Variants in PSD3 observed in about 807,000 individuals in gnomAD.
PSD3 encodes PH and SEC7 domain-containing protein 3.
Under a neutral mutation model 105.5 loss-of-function variants are expected in PSD3, and 49 were observed. The observed-to-expected ratio is 0.46, with a 90% CI of 0.37 to 0.59. The LOEUF (loss-of-function observed/expected upper bound fraction) is 0.59. PSD3 is among the 20% of genes least tolerant of loss of function. The pLI, the probability that PSD3 is intolerant of heterozygous loss-of-function variation, is 0.00. For synonymous variants in PSD3, 557 were observed against 457.8 expected (o/e 1.22, Z -2.77); for missense variants, 1,561 against 1,263.8 (o/e 1.24, Z -3.57).
chr8:19,014,301 A>C (rs1186978258), upstream of PSD3: 1 of 151,928 alleles, frequency 6.6e-6, no homozygotes, highest in Non-Finnish European at 1.5e-5. The surrounding 1 kb of genome is among the most constrained non-coding windows in gnomAD (Gnocchi z 4.9). Context: ...AGTCCCGGGG[A>C]CCCGTCGAGC....
At chr8:18,820,674 C>A (rs180870713) in intron 4 of PSD3, among the ~76,000 whole-genome samples, 31 of 152,214 alleles carry the variant, frequency 2.0e-4, no homozygotes, top group African/African-American at 7.2e-4. Flanking sequence ...TATTTTCCAT[C>A]TCCAGTTGGT....
chr8:18,567,652 C>G (rs1242205409), intron 14 of PSD3, among the ~76,000 whole-genome samples: 1 of 152,100 alleles, frequency 6.6e-6, no homozygotes, highest in East Asian at 1.9e-4. Context: ...ACAGATTCTT[C>G]CTTCTTACTA....
chr8:18,643,510 G>A (rs117463784), intron 10 of PSD3, among the ~76,000 whole-genome samples: 3 of 152,218 alleles, frequency 2.0e-5, no homozygotes, highest in Non-Finnish European at 4.4e-5. Flanking sequence ...CACCAGCTGT[G>A]GGCCTGTGAA....
intron 3 of PSD3, among the ~76,000 whole-genome samples, chr8:18,871,031 C>G (rs577995257): frequency 1.2e-4 from 19 of 152,146 alleles, no homozygotes; most frequent in Non-Finnish European, 2.1e-4. Flanking sequence ...CCTGGAAGGT[C>G]AAGGCCGCAG....
At chr8:18,973,959 T>C (rs1034775202) in intron 1 of PSD3, among the ~76,000 whole-genome samples, 2 of 152,224 alleles carry the variant, frequency 1.3e-5, no homozygotes, top group African/African-American at 2.4e-5. Flanking sequence ...CAGTGTCACA[T>C]TGCTGTTAAG....
chr8:18,954,424 T>C (rs1439788983), intron 1 of PSD3, among the ~76,000 whole-genome samples: 1 of 152,130 alleles, frequency 6.6e-6, no homozygotes, highest in African/African-American at 2.4e-5. Flanking sequence ...TCAGTTGAGG[T>C]ACTCATTCAT....
rs538184657 is a variant in PSD3 at position 18,792,705 on chromosome 8, G to A, written c.2082+6590C>T. On this transcript the variant is annotated intron_variant, in intron 8 of 15. Transcript: ENST00000327040. ...GTGCTGGAGAGGATGTGGAGAAATA[G>A]GACCACTTTTACACTGTTGGTGGGA... Among the ~76,000 whole-genome samples the A allele has an allele frequency of 3.9e-5, 6 of 152,252 alleles. No homozygotes were observed. The East Asian group carries it at 1.2e-3, about 29-fold the overall frequency.
intron 9 of PSD3, among the ~76,000 whole-genome samples, chr8:18,712,773 T>A (rs1374463489): frequency 6.6e-6 from 1 of 152,112 alleles, no homozygotes. Context: ...ACTCCTCCCT[T>A]ACTCGCGTTA....
chr8:18,534,953 T>G lies in PSD3; in HGVS notation c.*790A>C, dbSNP rs1410898722. On this transcript the variant is annotated 3_prime_UTR_variant, in exon 16 of 16. Transcript: ENST00000327040. ...TCCTGCAGACTGAGCACATGCCTAC[T>G]GCTGCAGCTCCTCAAGGGCCGATTA... 1 of 152,638 alleles carries G rather than the reference T, an allele frequency of 6.6e-6. No individual in the cohort carries two copies. Among genetic ancestry groups the G allele is most frequent in the Non-Finnish European group, 1.5e-5 (1 of 68,048 alleles). 9.5% of individuals were successfully genotyped at this position (152,638 alleles called of 1,614,324 possible).
intron 2 of PSD3, among the ~76,000 whole-genome samples, chr8:18,874,397 C>T (rs13251543): frequency 0.014 from 2,166 of 152,036 alleles, 19 homozygotes; most frequent in Non-Finnish European, 0.022. Flanking sequence ...GATGTCTTGA[C>T]CTCGTGATCC....
chr8:18,616,391 A>G (rs1158127398), intron 11 of PSD3, among the ~76,000 whole-genome samples: 1 of 152,068 alleles, frequency 6.6e-6, no homozygotes, highest in African/African-American at 2.4e-5. Flanking sequence ...TGTGGGGGAG[A>G]TTTGCATCTG....
intron 14 of PSD3, among the ~76,000 whole-genome samples, chr8:18,568,328 T>C (rs1801922115): frequency 6.6e-6 from 1 of 152,220 alleles, no homozygotes; most frequent in South Asian, 2.1e-4. Context: ...TTGTATTAAA[T>C]CTAAGTAACT....
At chr8:18,989,613 T>C (rs1825687018) in intron 1 of PSD3, among the ~76,000 whole-genome samples, 1 of 152,246 alleles carries the variant, frequency 6.6e-6, no homozygotes, top group Non-Finnish European at 1.5e-5. Flanking sequence ...AGTTCTGAGG[T>C]CTGATTACAT....
chr8:18,724,837 G>T (rs1309472461), intron 9 of PSD3, among the ~76,000 whole-genome samples: 1 of 152,032 alleles, frequency 6.6e-6, no homozygotes, highest in Non-Finnish European at 1.5e-5. Flanking sequence ...CTAACTAACA[G>T]TCTGCGTCCC....
intron 10 of PSD3, among the ~76,000 whole-genome samples, chr8:18,654,673 G>C (rs1473338225): frequency 6.6e-6 from 1 of 152,162 alleles, no homozygotes; most frequent in Admixed American, 6.5e-5. Context: ...CTGTCAAAGA[G>C]AGTCAGGAAA....
chr8:18,615,686 G>A (rs970513709), intron 11 of PSD3, among the ~76,000 whole-genome samples: 1 of 152,076 alleles, frequency 6.6e-6, no homozygotes. Context: ...CCTTTTAAGA[G>A]CAGGGTGTTA....
chr8:18,762,718 A>G (rs1806643501), intron 9 of PSD3, among the ~76,000 whole-genome samples: 1 of 152,234 alleles, frequency 6.6e-6, no homozygotes, highest in Admixed American at 6.5e-5. Context: ...TGTATCATCT[A>G]TCCCTTCAAT....
chr8:18,718,360 G>C (rs897022083), intron 9 of PSD3, among the ~76,000 whole-genome samples: 11 of 152,202 alleles, frequency 7.2e-5, no homozygotes, highest in African/African-American at 2.4e-4. Context: ...TATAAAAGAA[G>C]ATTTGTAGCT....
intron 14 of PSD3, among the ~76,000 whole-genome samples, chr8:18,568,586 G>C (rs1161978947): frequency 1.3e-5 from 2 of 152,068 alleles, no homozygotes; most frequent in African/African-American, 4.8e-5. Flanking sequence ...CACTTTCAAG[G>C]TCTCTCAAGC....
Sources: allele counts gnomAD v4.1 joint callset (sites outside exome capture counted in the v4.1 genomes callset), GRCh38; gene constraint gnomAD v4.1.1; non-coding constraint Gnocchi (gnomAD v3.1); transcripts MANE v1.5; gene names NCBI Gene and HGNC (gene_info 2026-07-23, HGNC 2026-07-21).